SAMD5: variants seen among roughly 807,000 people sequenced by gnomAD.
SAMD5 encodes the protein sterile alpha motif domain-containing protein 5.
A neutral mutation model predicts 11.3 loss-of-function variants in SAMD5; 13 were observed. The ratio of observed to expected loss-of-function variants is 1.15; its 90% CI spans 0.75 to 1.83. The LOEUF (loss-of-function observed/expected upper bound fraction) is 1.83, where lower values mean the gene tolerates loss of function less well. SAMD5 is among the 40% of genes most tolerant of loss of function. SAMD5 has a pLI of 0.00. For synonymous variants in SAMD5, 129 were observed against 111.3 expected (o/e 1.16, Z -1.00); for missense variants, 255 against 239.1 (o/e 1.07, Z -0.44).
intron 1 of SAMD5, among the ~76,000 whole-genome samples, chr6:147,701,917 T>C (rs1163969820): frequency 6.6e-6 from 1 of 152,164 alleles, no homozygotes; most frequent in African/African-American, 2.4e-5. Context: ...TAGATATGTT[T>C]ATATGTTTTT....
At chr6:147,804,460 A>G in the SAMD5 span, among the ~76,000 whole-genome samples, 67,098 of 152,024 alleles carry the variant, frequency 0.44, 16,874 homozygotes, top group African/African-American at 0.7. Flanking sequence ...CCTCCAGAAC[A>G]AAGTCCTCCC....
At chr6:147,875,610 G>A in the SAMD5 span, among the ~76,000 whole-genome samples, 1 of 152,072 alleles carries the variant, frequency 6.6e-6, no homozygotes. Context: ...GGTGAGTGGT[G>A]GGCAAGCCAG....
chr6:147,861,495 C>T, the SAMD5 span, among the ~76,000 whole-genome samples: 46 of 152,064 alleles, frequency 3.0e-4, no homozygotes, highest in African/African-American at 2.9e-4. Flanking sequence ...AGTCACCTGG[C>T]GAGTCAGAAC....
chr6:147,802,934 G>A, the SAMD5 span, among the ~76,000 whole-genome samples: 1 of 152,252 alleles, frequency 6.6e-6, no homozygotes, highest in South Asian at 2.1e-4. Context: ...ATTTTCTGGG[G>A]GTGTTTATGT....
the SAMD5 span, among the ~76,000 whole-genome samples, chr6:147,895,239 C>T: frequency 1.3e-5 from 2 of 150,502 alleles, no homozygotes; most frequent in African/African-American, 4.9e-5. Flanking sequence ...GACCCATGAA[C>T]ATTACAAGTG....
rs79308391 is a variant in SAMD5, at chr6:147,652,561, A to G, written c.163-84756A>G. Among the ~76,000 whole-genome samples, 934 of 152,254 alleles carry G rather than the reference A, an allele frequency of 6.1e-3. 13 individuals are homozygous for G. The highest frequency in any genetic ancestry group is 0.021 in the African/African-American group (882 of 41,546). On this transcript the variant is annotated intron_variant, in intron 1 of 1. Transcript: ENST00000566741. ...GACATGTGAGACACCATGGTTCAGC[A>G]GCAGTAGTAGGGGAGGCAGGAGACT... is the stretch of plus-strand genomic sequence containing the variant.
intron 1 of SAMD5, among the ~76,000 whole-genome samples, chr6:147,542,456 T>C (rs1788622113): frequency 6.6e-6 from 1 of 152,140 alleles, no homozygotes; most frequent in Admixed American, 6.5e-5. Flanking sequence ...GACTGGAGTT[T>C]TATTGTTACT....
chr6:147,748,420 G>A, the SAMD5 span, among the ~76,000 whole-genome samples: 24 of 152,168 alleles, frequency 1.6e-4, no homozygotes, highest in South Asian at 4.1e-4. Flanking sequence ...AATGCCCACC[G>A]CATATGGTGG....
the SAMD5 span, among the ~76,000 whole-genome samples, chr6:147,801,055 T>C: frequency 1.2e-4 from 19 of 152,280 alleles, no homozygotes; most frequent in Admixed American, 1.3e-4. Context: ...ATTACTGGTT[T>C]TAATGTAATT....
downstream of SAMD5, among the ~76,000 whole-genome samples, chr6:147,739,258 C>G (rs1791845825): frequency 6.6e-6 from 1 of 152,048 alleles, no homozygotes; most frequent in Non-Finnish European, 1.5e-5. Context: ...TTATTTTTTG[C>G]CAAAGAATAT....
At chr6:147,560,291 AAGTTG>A (rs1387483970) in intron 1 of SAMD5, among the ~76,000 whole-genome samples, 2 of 152,132 alleles carry the variant, frequency 1.3e-5, no homozygotes, top group African/African-American at 2.4e-5. Context: ...TGGAAAACTG[AAGTTG>A]AGTTATGTCA....
chr6:147,571,872 T>C (rs1302041046), downstream of SAMD5, among the ~76,000 whole-genome samples: 1 of 152,168 alleles, frequency 6.6e-6, no homozygotes. Flanking sequence ...TCTAAGTCAC[T>C]TCCTTTTACA....
chr6:147,756,976 T>A, the SAMD5 span, among the ~76,000 whole-genome samples: 1 of 152,204 alleles, frequency 6.6e-6, no homozygotes, highest in Non-Finnish European at 1.5e-5. Context: ...CACATAGAAC[T>A]CCACATTAAT....
chr6:147,842,629 C>T, the SAMD5 span, among the ~76,000 whole-genome samples: 2 of 151,912 alleles, frequency 1.3e-5, no homozygotes, highest in African/African-American at 2.4e-5. Flanking sequence ...GAAAAAAATG[C>T]GTCTTTATTT....
At chr6:147,716,500 C>T (rs1001929469) in intron 1 of SAMD5, among the ~76,000 whole-genome samples, 1 of 152,252 alleles carries the variant, frequency 6.6e-6, no homozygotes, top group Non-Finnish European at 1.5e-5. Flanking sequence ...CCTGCCTGTT[C>T]CTGGCCCCCA....
the SAMD5 span, among the ~76,000 whole-genome samples, chr6:147,742,865 A>T: frequency 1.1e-4 from 17 of 152,320 alleles, no homozygotes; most frequent in African/African-American, 3.4e-4. Flanking sequence ...GAAGTAGAAA[A>T]ATAATAAATG....
chr6:147,742,641 C>A, the SAMD5 span, among the ~76,000 whole-genome samples: 1 of 152,088 alleles, frequency 6.6e-6, no homozygotes, highest in South Asian at 2.1e-4. Flanking sequence ...TCTCCATGGG[C>A]TGAAGGGGGC....
At chr6:147,575,959 C>A (rs899617697) in intron 1 of SAMD5, among the ~76,000 whole-genome samples, 2 of 151,940 alleles carry the variant, frequency 1.3e-5, no homozygotes, top group Admixed American at 6.6e-5. Flanking sequence ...AATAATAATG[C>A]CTGATTATAG....
At chr6:147,525,246 T>C (rs983848243) in intron 1 of SAMD5, among the ~76,000 whole-genome samples, 2 of 147,966 alleles carry the variant, frequency 1.4e-5, no homozygotes, top group African/African-American at 2.5e-5. Flanking sequence ...CTGTGGTAAG[T>C]AGGAGGAGTA....
Sources: gnomAD v4.1 joint callset for allele counts (sites outside exome capture counted in the v4.1 genomes callset) on GRCh38, gnomAD v4.1.1 for gene constraint, MANE v1.5 for transcripts, NCBI Gene and HGNC (gene_info 2026-07-23, HGNC 2026-07-21) for gene names.